Variants in SCYL2 observed in about 807,000 individuals in gnomAD.
SCYL2 encodes SCY1 like pseudokinase 2.
SCYL2 carries 36 observed loss-of-function variants against 100.4 expected under a neutral mutation model. The observed-to-expected ratio is 0.36, with a 90% CI of 0.27 to 0.47. The LOEUF is 0.47. SCYL2 is among the 20% of genes least tolerant of loss of function. The pLI, the probability that SCYL2 is intolerant of heterozygous loss-of-function variation, is 1.00. For missense variants in SCYL2, 902 were observed against 1,083.9 expected (o/e 0.83, Z 2.36); for synonymous variants, 330 against 359.2 (o/e 0.92, Z 0.92).
intron 4 of SCYL2, among the ~76,000 whole-genome samples, chr12:100,306,028 G>A (rs12826522): frequency 0.044 from 6,633 of 151,970 alleles, 164 homozygotes; most frequent in South Asian, 0.083. Context: ...CCTACGAACC[G>A]AAAAAAGCCC....
intron 13 of SCYL2, among the ~76,000 whole-genome samples, chr12:100,330,763 A>G (rs1952198981): frequency 6.6e-6 from 1 of 151,970 alleles, no homozygotes; most frequent in African/African-American, 2.4e-5. Flanking sequence ...ACTAATCAGA[A>G]TGAACATTTC....
At chr12:100,332,264 C>A (rs888950485) in intron 13 of SCYL2, among the ~76,000 whole-genome samples, 5 of 152,170 alleles carry the variant, frequency 3.3e-5, no homozygotes, top group African/African-American at 1.2e-4. Flanking sequence ...CTCTGCCTGG[C>A]ATGTACTCAA....
chr12:100,302,520 A>G (rs1299145986), intron 4 of SCYL2, among the ~76,000 whole-genome samples: 1 of 152,174 alleles, frequency 6.6e-6, no homozygotes, highest in African/African-American at 2.4e-5. Flanking sequence ...TATGAAGGTT[A>G]GTTTGGCTGG....
chr12:100,315,788 A>G (rs1441803966), intron 9 of SCYL2, 54 bp downstream of exon 9: 6 of 1,392,994 alleles, frequency 4.3e-6, no homozygotes, highest in African/African-American at 1.4e-5. Flanking sequence ...GATTGTGACT[A>G]TCACTGAAAA....
At chr12:100,293,240 TG>T (rs1290005717) in intron 3 of SCYL2, among the ~76,000 whole-genome samples, 1 of 152,156 alleles carries the variant, frequency 6.6e-6, no homozygotes, top group Non-Finnish European at 1.5e-5. Flanking sequence ...CACAGGTGCA[TG>T]CTGCTGCACC....
chr12:100,268,136 G>A (rs2096281674), intron 1 of SCYL2, among the ~76,000 whole-genome samples: 1 of 152,196 alleles, frequency 6.6e-6, no homozygotes, highest in Admixed American at 6.5e-5. Context: ...CAGACAAGCT[G>A]CTTAAAAGCG....
intron 1 of SCYL2, among the ~76,000 whole-genome samples, chr12:100,276,018 C>T (rs897558235): frequency 3.3e-5 from 5 of 152,092 alleles, no homozygotes; most frequent in Non-Finnish European, 5.9e-5. Flanking sequence ...CTGAAGTGAA[C>T]CCCATTTGGT....
chr12:100,271,985 T>C (rs1054481222), intron 1 of SCYL2, among the ~76,000 whole-genome samples: 9 of 152,200 alleles, frequency 5.9e-5, no homozygotes, highest in Non-Finnish European at 1.2e-4. Context: ...TGTCAGATGC[T>C]GTAATACTCA....
Position 100,339,384 on chromosome 12 carries a change from A to C in SCYL2, c.*212A>C, listed in dbSNP as rs916920305. On this transcript the variant is annotated 3_prime_UTR_variant, in exon 18 of 18. Transcript: ENST00000360820. The stretch of plus-strand genomic sequence containing the variant: ...CATTGAGGATTTTTTCCTCTTACCA[A>C]CTCCTCTTCAGGTTTTTAAAGACCC... The C allele has an allele frequency of 8.2e-6, 4 of 489,374 alleles. No individual in the cohort carries two copies. The highest frequency in any genetic ancestry group is 4.0e-5 in the African/African-American group (2 of 50,506). 30.3% of individuals were successfully genotyped at this position (489,374 alleles called of 1,614,324 possible). A position where few individuals can be genotyped will look rare whatever the true frequency, so the allele number is the denominator to read the frequency against.
intron 13 of SCYL2, 123 bp from the exon 14 acceptor site, chr12:100,334,043 A>G: frequency 1.6e-6 from 1 of 607,932 alleles, no homozygotes. Flanking sequence ...CAGCGCTGTG[A>G]CTGGATCCTA....
chr12:100,326,712 C>A lies in SCYL2; in HGVS notation c.1600C>A (p.Gln534Lys). The stretch of plus-strand genomic sequence containing the variant: ...TGATGATATCCTACCCTTCTTACAA[C>A]AAATTCCATCCAAGGAACCTGCGGT... ...VLDDILPFLQ[Q>K]IPSKEPAVLM... Residue 534 changes from glutamine to lysine, a missense_variant, in exon 12 of 18, where the codon CAA becomes AAA. Transcript: ENST00000360820. 6.2e-7 allele frequency: 1 copy of A among 1,611,452 alleles called. No homozygotes were observed. Among genetic ancestry groups the A allele is most frequent in the South Asian group, 1.1e-5 (1 of 90,260 alleles).
At chr12:100,291,171 A>G (rs2096310171) in intron 2 of SCYL2, among the ~76,000 whole-genome samples, 1 of 152,228 alleles carries the variant, frequency 6.6e-6, no homozygotes, top group Non-Finnish European at 1.5e-5. Context: ...ATTGTAAGTT[A>G]CATTTTAAAT....
chr12:100,317,627 C>A, intron 9 of SCYL2, 176 bp from the exon 10 acceptor site: 5 of 1,371,290 alleles, frequency 3.6e-6, no homozygotes, highest in Non-Finnish European at 4.7e-6. Context: ...AAATATTGTG[C>A]CTCCAGAAAT....
rs561076363 is a variant in SCYL2, at chr12:100,317,625, T to C, written c.1273-178T>C. The C allele has an allele frequency of 3.6e-6, 5 of 1,373,770 alleles. No homozygotes were observed. In the African/African-American group the frequency reaches 5.9e-5, roughly 16 times the overall value. 85.1% of individuals were successfully genotyped at this position (1,373,770 alleles called of 1,614,324 possible). On this transcript the variant is annotated intron_variant, in intron 9 of 17. Coordinates refer to ENST00000360820, the MANE Select transcript of SCYL2 (RefSeq NM_017988.6). Reference sequence around the variant, plus strand: ...AACTCAGAGCAGATGTTAAATATTGTGCCTCCAGAAATGTAAGAGACTTGA... The same window carrying C: ...AACTCAGAGCAGATGTTAAATATTGCGCCTCCAGAAATGTAAGAGACTTGA...
rs138312781 is a variant in SCYL2, at chr12:100,272,731, G to A, written c.-29+4939G>A. On this transcript the variant is annotated intron_variant, in intron 1 of 17. Transcript: ENST00000360820. ...GGGGTGGGGTAGGATTCTTAGTTTC[G>A]TTCTTTTCTTCTCTTGGTTTTAACT... Among the ~76,000 whole-genome samples, 5 of 151,998 alleles carry A rather than the reference G, an allele frequency of 3.3e-5. No homozygotes were observed. In the East Asian group the frequency reaches 5.8e-4, roughly 18 times the overall value.
chr12:100,338,421 T>C (rs1220867256), intron 17 of SCYL2, 107 bp from the exon 18 acceptor site: 2 of 998,578 alleles, frequency 2.0e-6, no homozygotes, highest in Non-Finnish European at 2.8e-6. Context: ...TGTAGACCAT[T>C]GAGCTTAATT....
At chr12:100,319,926 A>G (rs1287765308) in intron 10 of SCYL2, among the ~76,000 whole-genome samples, 1 of 152,234 alleles carries the variant, frequency 6.6e-6, no homozygotes, top group African/African-American at 2.4e-5. Context: ...TTTAAATTGA[A>G]ATTTTTAAAG....
At chr12:100,288,128 A>AAGTC (rs1421031608) in intron 2 of SCYL2, among the ~76,000 whole-genome samples, 1 of 152,196 alleles carries the variant, frequency 6.6e-6, no homozygotes, top group Non-Finnish European at 1.5e-5. Context: ...TTATTTTAGG[A>AAGTC]AGTCAGTATG....
Position 100,312,483 on chromosome 12 carries a change from C to T in SCYL2, c.682C>T (p.Pro228Ser), listed in dbSNP as rs752395774. The change falls in exon 6 of 18, where the codon CCA becomes TCA. Residue 228 changes from proline (P) to serine (S), a missense_variant. Pro to Ser is a moderately conservative substitution (Grantham distance 74). Transcript: ENST00000360820. ...WDPNLPSLCL[P>S]NPEYLAPEYI... is the part of the protein sequence containing the mutation. ...CCCAAATTTACCTTCATTGTGTCTT[C>T]CAAATCCTGAATATTTGGCTCCTGA... is the stretch of plus-strand genomic sequence containing the variant. The T allele has an allele frequency of 1.2e-6, 2 of 1,613,612 alleles. No individual in the cohort carries two copies. Among genetic ancestry groups the T allele is most frequent in the East Asian group, 2.2e-5 (1 of 44,808 alleles).
Sources: gnomAD v4.1 joint callset for allele counts (sites outside exome capture counted in the v4.1 genomes callset) on GRCh38, gnomAD v4.1.1 for gene constraint, MANE v1.5 for transcripts, NCBI Gene and HGNC (gene_info 2026-07-23, HGNC 2026-07-21) for gene names.